Variants in TOX observed in about 807,000 individuals in gnomAD.
TOX encodes thymocyte selection-associated high mobility group box protein TOX.
Under a neutral mutation model 53.7 loss-of-function variants are expected in TOX, and 11 were observed. That is an observed-to-expected ratio of 0.20 (90% CI 0.13 to 0.34). TOX has a LOEUF of 0.34. TOX is among the 10% of genes least tolerant of loss of function. The pLI is 1.00. For synonymous variants in TOX, 225 were observed against 245.3 expected (o/e 0.92, Z 0.77); for missense variants, 570 against 664.6 (o/e 0.86, Z 1.56).
At chr8:59,015,801 G>A (rs1283385375) in intron 1 of TOX, among the ~76,000 whole-genome samples, 1 of 152,180 alleles carries the variant, frequency 6.6e-6, no homozygotes, top group East Asian at 1.9e-4. Flanking sequence ...AACACATACA[G>A]TGATAATGTG....
At chr8:59,022,665 G>A (rs1424381490) in intron 1 of TOX, among the ~76,000 whole-genome samples, 1 of 152,038 alleles carries the variant, frequency 6.6e-6, no homozygotes, top group Non-Finnish European at 1.5e-5. Context: ...GTAGCAACTG[G>A]TAAACTCATA....
chr8:58,897,724 A>G lies in TOX; in HGVS notation c.411+41578T>C, dbSNP rs181614377. Among the ~76,000 whole-genome samples, 476 of 150,108 alleles carry G rather than the reference A, an allele frequency of 3.2e-3. 2 individuals are homozygous for G. The highest frequency in any genetic ancestry group is 0.011 in the African/African-American group (448 of 40,590). On this transcript the variant is annotated intron_variant, in intron 3 of 8. Transcript: ENST00000361421. The stretch of plus-strand genomic sequence containing the variant: ...AAGTCTTTTTTTTTTAACACATCCT[A>G]CATACATGAGTCAGTAACAATTGTT...
intron 3 of TOX, among the ~76,000 whole-genome samples, chr8:58,882,729 C>T (rs1389406249): frequency 1.3e-5 from 2 of 152,200 alleles, no homozygotes; most frequent in Non-Finnish European, 2.9e-5. Context: ...GCAAAGAAGT[C>T]AACTACCATC....
chr8:59,086,336 A>G (rs550418059), intron 1 of TOX, among the ~76,000 whole-genome samples: 2 of 152,250 alleles, frequency 1.3e-5, no homozygotes, highest in African/African-American at 4.8e-5. Flanking sequence ...GTGAAGAGAC[A>G]TGAGGAGCAC....
chr8:59,061,030 T>C (rs987346993), intron 1 of TOX, among the ~76,000 whole-genome samples: 3 of 152,166 alleles, frequency 2.0e-5, no homozygotes, highest in African/African-American at 7.2e-5. Flanking sequence ...AAATCTTCCA[T>C]AAAGCTGCAT....
At chr8:58,983,532 G>A (rs1399330290) in intron 1 of TOX, among the ~76,000 whole-genome samples, 1 of 152,202 alleles carries the variant, frequency 6.6e-6, no homozygotes, top group Non-Finnish European at 1.5e-5. Flanking sequence ...GTGAGATCAT[G>A]ATATTGCCAA....
At chr8:58,960,753 G>A (rs1038773945) in intron 1 of TOX, among the ~76,000 whole-genome samples, 2 of 152,198 alleles carry the variant, frequency 1.3e-5, no homozygotes, top group African/African-American at 4.8e-5. Flanking sequence ...AATAGTTCAA[G>A]CAACAACAAC....
intron 1 of TOX, among the ~76,000 whole-genome samples, chr8:59,004,477 T>C (rs948947429): frequency 2.0e-5 from 3 of 152,244 alleles, no homozygotes; most frequent in African/African-American, 7.2e-5. Flanking sequence ...CACTAATCCA[T>C]ACACAAAATT....
chr8:59,043,858 G>T lies in TOX; in HGVS notation c.102+75028C>A, dbSNP rs547645045. Among the ~76,000 whole-genome samples the T allele has an allele frequency of 2.6e-5, 4 of 152,308 alleles. No homozygotes were observed. In the East Asian group the frequency reaches 7.7e-4, roughly 29 times the overall value. On this transcript the variant is annotated intron_variant, in intron 1 of 8. Transcript: ENST00000361421. The stretch of plus-strand genomic sequence containing the variant: ...TGGAACTGATTGATGCTGGCATTCA[G>T]CCCTGAATTCATTTAAATTATGATA...
intron 1 of TOX, among the ~76,000 whole-genome samples, chr8:59,008,737 G>A (rs1170685073): frequency 6.6e-6 from 1 of 152,124 alleles, no homozygotes; most frequent in Non-Finnish European, 1.5e-5. Context: ...ATTTCTCATG[G>A]TGGCTGTCTG....
At chr8:59,105,223 G>A (rs903829034) in intron 1 of TOX, among the ~76,000 whole-genome samples, 2 of 152,032 alleles carry the variant, frequency 1.3e-5, no homozygotes, top group African/African-American at 4.8e-5. Flanking sequence ...AAGTTATAAT[G>A]GAAACAGTGA....
chr8:59,102,443 A>C (rs1378216259), intron 1 of TOX, among the ~76,000 whole-genome samples: 1 of 152,006 alleles, frequency 6.6e-6, no homozygotes, highest in Non-Finnish European at 1.5e-5. Context: ...GGCCAGGCTG[A>C]TCTCAAGCTC....
chr8:59,054,798 AAGAC>A (rs993059194), intron 1 of TOX, among the ~76,000 whole-genome samples: 6 of 151,752 alleles, frequency 4.0e-5, no homozygotes, highest in African/African-American at 9.7e-5. Context: ...GAAAGAGAAA[AAGAC>A]AGAGAGAGAA....
At chr8:59,048,920 A>G (rs1157914316) in intron 1 of TOX, among the ~76,000 whole-genome samples, 1 of 152,236 alleles carries the variant, frequency 6.6e-6, no homozygotes, top group East Asian at 1.9e-4. Flanking sequence ...AGATATTAAT[A>G]TATGAAATAT....
At chr8:59,049,248 A>C (rs1489020404) in intron 1 of TOX, among the ~76,000 whole-genome samples, 5 of 152,210 alleles carry the variant, frequency 3.3e-5, no homozygotes, top group Admixed American at 6.5e-5. Context: ...AATTGCTAAC[A>C]AATGCTACTC....
intron 1 of TOX, among the ~76,000 whole-genome samples, chr8:59,099,591 C>CATT (rs1234766983): frequency 1.3e-5 from 2 of 152,130 alleles, no homozygotes; most frequent in Non-Finnish European, 2.9e-5. Context: ...GTACAGTACC[C>CATT]ATTGGGTATT....
chr8:58,860,001 C>A (rs555279915), intron 3 of TOX, among the ~76,000 whole-genome samples: 2 of 152,190 alleles, frequency 1.3e-5, no homozygotes, highest in Admixed American at 1.3e-4. Flanking sequence ...ACTGCAATTG[C>A]TGCCACATCC....
At chr8:58,946,739 A>G (rs1812528601) in intron 2 of TOX, among the ~76,000 whole-genome samples, 1 of 152,206 alleles carries the variant, frequency 6.6e-6, no homozygotes, top group South Asian at 2.1e-4. Flanking sequence ...ATAAAAAGCA[A>G]TGAGTGCCTC....
intron 3 of TOX, among the ~76,000 whole-genome samples, chr8:58,876,246 T>G (rs1432378315): frequency 6.6e-6 from 1 of 152,052 alleles, no homozygotes; most frequent in Non-Finnish European, 1.5e-5. Context: ...TGCTCAGCAA[T>G]ATATGATAGA....
Sources: allele counts gnomAD v4.1 joint callset (sites outside exome capture counted in the v4.1 genomes callset), GRCh38; gene constraint gnomAD v4.1.1; transcripts MANE v1.5; gene names NCBI Gene and HGNC (gene_info 2026-07-23, HGNC 2026-07-21).